Variants in WHRN observed in about 807,000 individuals in gnomAD.
WHRN encodes whirlin, also known as CASK-interacting protein CIP98.
WHRN carries 41 observed loss-of-function variants against 68.3 expected under a neutral mutation model. The observed-to-expected ratio is 0.60, with a 90% CI of 0.47 to 0.78. The LOEUF (loss-of-function observed/expected upper bound fraction) is 0.78. Among genes scored for constraint, WHRN ranks in the 30% least tolerant of loss-of-function variants. WHRN has a pLI of 0.00. For missense variants in WHRN, 1,243 were observed against 1,244.7 expected, an observed-to-expected ratio of 1.00 and a Z score of 0.02; for synonymous variants, 560 against 561.3, an observed-to-expected ratio of 1.00 and a Z score of 0.03.
At chr9:114,427,763 C>T (rs1322148548) in intron 3 of WHRN, among the ~76,000 whole-genome samples, 1 of 146,420 alleles carries the variant, frequency 6.8e-6, no homozygotes, top group East Asian at 2.1e-4. Flanking sequence ...TTACCTCTCT[C>T]CTCTGCACCG....
chr9:114,425,077 C>T (rs377628812), intron 4 of WHRN, 53 bp from the exon 5 acceptor site: 185 of 1,587,802 alleles, frequency 1.2e-4, no homozygotes, highest in Non-Finnish European at 1.5e-4. Context: ...ATCAAATGGG[C>T]GTGGGCAAGG....
intron 1 of WHRN, chr9:114,503,579 TCAGG>T (rs990673688): frequency 2.0e-5 from 3 of 152,570 alleles, no homozygotes; most frequent in African/African-American, 7.2e-5. Context: ...TTTTTTACAT[TCAGG>T]CAGGAGTCTC....
At chr9:114,405,593 T>C (rs1834968208) in intron 9 of WHRN, among the ~76,000 whole-genome samples, 1 of 152,192 alleles carries the variant, frequency 6.6e-6, no homozygotes, top group African/African-American at 2.4e-5. Context: ...CAGTGATCCA[T>C]CTGTGACAGC....
chr9:114,436,501 C>T (rs969690578), intron 3 of WHRN, among the ~76,000 whole-genome samples: 2 of 152,264 alleles, frequency 1.3e-5, no homozygotes, highest in East Asian at 3.9e-4. Flanking sequence ...AGTTCCCACT[C>T]AATTTTTCTG....
At chr9:114,480,273 A>G (rs1421749134) in intron 1 of WHRN, among the ~76,000 whole-genome samples, 1 of 152,140 alleles carries the variant, frequency 6.6e-6, no homozygotes, top group Non-Finnish European at 1.5e-5. Flanking sequence ...AGATGAAGAC[A>G]TTGACCCAAG....
intron 1 of WHRN, among the ~76,000 whole-genome samples, chr9:114,481,599 C>T (rs1376854781): frequency 1.3e-5 from 2 of 152,214 alleles, no homozygotes; most frequent in African/African-American, 4.8e-5. Context: ...TCCTCTCCCT[C>T]TCGTCTCTGC....
chr9:114,487,591 T>C (rs1339348868), intron 1 of WHRN, among the ~76,000 whole-genome samples: 1 of 152,208 alleles, frequency 6.6e-6, no homozygotes, highest in Non-Finnish European at 1.5e-5. Context: ...CACCATCACC[T>C]GCGATGAACA....
intron 3 of WHRN, among the ~76,000 whole-genome samples, chr9:114,461,426 C>T (rs112947332): frequency 1.8e-3 from 272 of 152,360 alleles, no homozygotes; most frequent in Admixed American, 2.1e-3. Flanking sequence ...ACGTTTCCCA[C>T]TTAATAACAG....
intron 7 of WHRN, among the ~76,000 whole-genome samples, chr9:114,419,441 A>C (rs1246334772): frequency 2.6e-5 from 4 of 152,246 alleles, no homozygotes; most frequent in Non-Finnish European, 5.9e-5. Flanking sequence ...CGCACGTGCG[A>C]TCGCTGCCCT....
intron 1 of WHRN, among the ~76,000 whole-genome samples, chr9:114,484,527 T>C (rs571324213): frequency 6.6e-6 from 1 of 152,360 alleles, no homozygotes; most frequent in African/African-American, 2.4e-5. Flanking sequence ...GAGCTACGGC[T>C]GAAAAGGAAA....
chr9:114,480,098 T>C (rs1352052192), intron 1 of WHRN, among the ~76,000 whole-genome samples: 1 of 151,274 alleles, frequency 6.6e-6, no homozygotes, highest in East Asian at 1.9e-4. Flanking sequence ...AAAAAAGAAG[T>C]TCCTTTTTTA....
chr9:114,440,385 C>T (rs1325329195), intron 3 of WHRN, among the ~76,000 whole-genome samples: 1 of 151,892 alleles, frequency 6.6e-6, no homozygotes, highest in African/African-American at 2.4e-5. Context: ...TACAGGTGTG[C>T]ACCACCACAC....
intron 2 of WHRN, among the ~76,000 whole-genome samples, chr9:114,472,800 TTACTA>T (rs1487199164): frequency 6.6e-6 from 1 of 152,214 alleles, no homozygotes; most frequent in African/African-American, 2.4e-5. Flanking sequence ...CTGGAATTCA[TTACTA>T]TGTCCAGGCA....
At chr9:114,422,449 C>A (rs1022552473) in intron 7 of WHRN, among the ~76,000 whole-genome samples, 1 of 152,186 alleles carries the variant, frequency 6.6e-6, no homozygotes, top group African/African-American at 2.4e-5. Context: ...CAAACGTCTC[C>A]TGGGATTCAT....
intron 3 of WHRN, among the ~76,000 whole-genome samples, chr9:114,463,411 T>C (rs1425299807): frequency 2.0e-5 from 3 of 152,226 alleles, no homozygotes; most frequent in African/African-American, 4.8e-5. Context: ...AAACTGTCTC[T>C]AATCTTTACG....
intron 3 of WHRN, among the ~76,000 whole-genome samples, chr9:114,456,540 G>A (rs1564175760): frequency 6.6e-6 from 1 of 152,114 alleles, no homozygotes; most frequent in Non-Finnish European, 1.5e-5. Flanking sequence ...AAGTATATGG[G>A]TTAGGGGCCA....
At chr9:114,456,320 A>G (rs10759704) in intron 3 of WHRN, among the ~76,000 whole-genome samples, 113,274 of 151,866 alleles carry the variant, frequency 0.75, 42,430 homozygotes, top group East Asian at 0.96. Context: ...TGTCGGGCAC[A>G]GGGAGGAAGA....
chr9:114,437,587 G>A (rs1340770353), intron 3 of WHRN, among the ~76,000 whole-genome samples: 1 of 152,126 alleles, frequency 6.6e-6, no homozygotes, highest in East Asian at 1.9e-4. Context: ...TCCAATGGTG[G>A]GGTCCTAATC....
intron 1 of WHRN, among the ~76,000 whole-genome samples, chr9:114,497,561 C>CAAAAAA: frequency 6.6e-6 from 1 of 151,156 alleles, no homozygotes; most frequent in African/African-American, 2.4e-5. Context: ...AGCCCAAAAG[C>CAAAAAA]CAGAAGATAT....
Sources: allele counts gnomAD v4.1 joint callset (sites outside exome capture counted in the v4.1 genomes callset), GRCh38; gene constraint gnomAD v4.1.1; transcripts MANE v1.5; gene names NCBI Gene and HGNC (gene_info 2026-07-23, HGNC 2026-07-21).